CADM2: variants seen among roughly 807,000 people sequenced by gnomAD.
The protein encoded by CADM2 is immunoglobulin superfamily member 4D.
CADM2 carries 12 observed loss-of-function variants against 49.8 expected under a neutral mutation model. The observed-to-expected ratio is 0.24, with a 90% CI of 0.15 to 0.39. CADM2 has a LOEUF of 0.39. Among genes scored for constraint, CADM2 ranks in the 10% least tolerant of loss-of-function variants. The pLI, the probability that CADM2 is intolerant of heterozygous loss-of-function variation, is 1.00. For missense variants in CADM2, 378 were observed against 492.3 expected (o/e 0.77, Z 2.20); for synonymous variants, 214 against 175.4 (o/e 1.22, Z -1.74).
At chr3:85,351,493 G>A (rs1352524840) in intron 1 of CADM2, among the ~76,000 whole-genome samples, 1 of 152,114 alleles carries the variant, frequency 6.6e-6, no homozygotes, top group Non-Finnish European at 1.5e-5. Context: ...ATTATTCCAT[G>A]AATTACATTA....
chr3:85,175,508 A>G (rs886309492), intron 1 of CADM2, among the ~76,000 whole-genome samples: 1 of 152,192 alleles, frequency 6.6e-6, no homozygotes, highest in African/African-American at 2.4e-5. Flanking sequence ...TAAACAAAAG[A>G]CAAGTTGCAT....
intron 1 of CADM2, among the ~76,000 whole-genome samples, chr3:85,086,573 G>A (rs1415182985): frequency 6.9e-6 from 1 of 144,828 alleles, no homozygotes; most frequent in Non-Finnish European, 1.5e-5. Context: ...GTGCGGTGGT[G>A]TGATCTTGGC....
chr3:85,271,915 A>G (rs922128081), intron 1 of CADM2, among the ~76,000 whole-genome samples: 2 of 151,238 alleles, frequency 1.3e-5, no homozygotes, highest in Non-Finnish European at 3.0e-5. Flanking sequence ...TTCAATAAAT[A>G]TTCTAAAAAC....
chr3:86,009,127 GTATATAGATATA>G (rs1441462854), intron 8 of CADM2, among the ~76,000 whole-genome samples: 11 of 143,182 alleles, frequency 7.7e-5, no homozygotes, highest in Admixed American at 4.9e-4. Context: ...ATATATATGT[GTATATAGATATA>G]TATATAGATA....
chr3:85,683,980 C>A (rs757453135), intron 1 of CADM2, among the ~76,000 whole-genome samples: 17 of 152,130 alleles, frequency 1.1e-4, no homozygotes, highest in Non-Finnish European at 2.2e-4. Flanking sequence ...CAGATAGCCA[C>A]CTTCCTCAGC....
chr3:85,283,781 A>G (rs1576277979), intron 1 of CADM2, among the ~76,000 whole-genome samples: 1 of 152,134 alleles, frequency 6.6e-6, no homozygotes, highest in South Asian at 2.1e-4. Flanking sequence ...GTCAAGTCCA[A>G]TGTCATATGA....
chr3:85,623,829 T>A (rs1170814216), intron 1 of CADM2, among the ~76,000 whole-genome samples: 2 of 152,182 alleles, frequency 1.3e-5, no homozygotes, highest in Non-Finnish European at 2.9e-5. Context: ...TTTAGAGATC[T>A]AATAGTTGAA....
intron 1 of CADM2, among the ~76,000 whole-genome samples, chr3:85,696,213 G>T (rs1041462795): frequency 2.6e-5 from 4 of 152,006 alleles, no homozygotes; most frequent in African/African-American, 9.7e-5. Context: ...CAATCCACTT[G>T]TTATCTGTTT....
intron 8 of CADM2, among the ~76,000 whole-genome samples, chr3:85,986,472 TTGG>T (rs1032146793): frequency 6.6e-6 from 1 of 152,062 alleles, no homozygotes; most frequent in Non-Finnish European, 1.5e-5. Context: ...TTTTGTTTTA[TTGG>T]TGGTAATAAA....
At chr3:85,455,975 T>C (rs953041681) in intron 1 of CADM2, among the ~76,000 whole-genome samples, 1 of 152,150 alleles carries the variant, frequency 6.6e-6, no homozygotes, top group Non-Finnish European at 1.5e-5. Context: ...CTTCTACACA[T>C]AAAAATAACA....
chr3:86,026,850 A>G (rs1028600672), intron 8 of CADM2, among the ~76,000 whole-genome samples: 4 of 152,206 alleles, frequency 2.6e-5, no homozygotes, highest in African/African-American at 9.6e-5. Flanking sequence ...ATTGGTGTAG[A>G]CATAAAAATT....
chr3:84,986,549 C>T (rs2107158855), intron 1 of CADM2, among the ~76,000 whole-genome samples: 1 of 151,834 alleles, frequency 6.6e-6, no homozygotes, highest in Non-Finnish European at 1.5e-5. Context: ...AAAAAACTTC[C>T]TACCCAGAAC....
chr3:85,101,926 A>T (rs2038027665), intron 1 of CADM2, among the ~76,000 whole-genome samples: 1 of 152,164 alleles, frequency 6.6e-6, no homozygotes, highest in Admixed American at 6.6e-5. Flanking sequence ...GTGTGTATCT[A>T]ACTCTTCAGG....
chr3:85,877,690 T>TG (rs1208270668), intron 3 of CADM2, among the ~76,000 whole-genome samples: 3 of 146,800 alleles, frequency 2.0e-5, no homozygotes, highest in Admixed American at 2.0e-4. Context: ...TTCTGTTTTT[T>TG]TTTTTTTTTT....
At chr3:85,606,799 T>G (rs1224479565) in intron 1 of CADM2, among the ~76,000 whole-genome samples, 3 of 152,100 alleles carry the variant, frequency 2.0e-5, no homozygotes, top group Admixed American at 2.0e-4. Context: ...CCTGGCTTTT[T>G]TTTTCTTCTG....
chr3:85,414,217 G>GT (rs1217612939), intron 1 of CADM2, among the ~76,000 whole-genome samples: 1 of 152,060 alleles, frequency 6.6e-6, no homozygotes, highest in African/African-American at 2.4e-5. Context: ...ATCAAACACT[G>GT]TTCTTTACGA....
At chr3:85,755,680 G>A (rs964369085) in intron 2 of CADM2, among the ~76,000 whole-genome samples, 2 of 152,198 alleles carry the variant, frequency 1.3e-5, no homozygotes, top group South Asian at 4.2e-4. Context: ...TTACAGGGCT[G>A]GAGCAGGAGG....
At chr3:85,392,670 G>A (rs2034571772) in intron 1 of CADM2, among the ~76,000 whole-genome samples, 1 of 151,988 alleles carries the variant, frequency 6.6e-6, no homozygotes, top group African/African-American at 2.4e-5. Flanking sequence ...GGTCAATACA[G>A]TATAAAAAGT....
At chr3:86,035,119 A>G (rs1734996379) in intron 8 of CADM2, among the ~76,000 whole-genome samples, 1 of 152,062 alleles carries the variant, frequency 6.6e-6, no homozygotes, top group South Asian at 2.1e-4. Context: ...AGCATGGCAT[A>G]CAAAATCATT....
Sources: gnomAD v4.1 joint callset for allele counts (sites outside exome capture counted in the v4.1 genomes callset) on GRCh38, gnomAD v4.1.1 for gene constraint, MANE v1.5 for transcripts, NCBI Gene and HGNC (gene_info 2026-07-23, HGNC 2026-07-21) for gene names.